The following BCL2L13 variants were observed in gnomAD, a reference collection of about 807,000 sequenced individuals.
The protein encoded by BCL2L13 is bcl-2-like protein 13.
BCL2L13 carries 13 observed loss-of-function variants against 25.8 expected under a neutral mutation model. The observed-to-expected ratio is 0.50, with a 90% CI of 0.33 to 0.80. The LOEUF (loss-of-function observed/expected upper bound fraction) is 0.80, where lower values mean the gene tolerates loss of function less well. BCL2L13 is among the 30% of genes least tolerant of loss of function. The probability of loss-of-function intolerance (pLI) is 0.02; values close to 1 mark genes in which losing one functional copy is unlikely to be tolerated. For missense variants in BCL2L13, 504 were observed against 574.9 expected (o/e 0.88, Z 1.26); for synonymous variants, 244 against 230.3 (o/e 1.06, Z -0.54).
At chr22:17,670,124 G>A (rs928471440) in intron 2 of BCL2L13, among the ~76,000 whole-genome samples, 2 of 152,064 alleles carry the variant, frequency 1.3e-5, no homozygotes, top group African/African-American at 4.8e-5. Flanking sequence ...CCATTGGTCT[G>A]TATACCTGTT....
At position 17,697,374 on chromosome 22, in the gene BCL2L13, G is replaced by T. The variant is rs192552041; in HGVS notation, c.456+1164G>T. 3.6e-4 allele frequency among the ~76,000 whole-genome samples: 55 copies of T among 152,180 alleles called. 2 individuals carry two copies. Among genetic ancestry groups the T allele is most frequent in the African/African-American group, 1.3e-3 (52 of 41,516 alleles). On this transcript the variant is annotated intron_variant, in intron 5 of 6. Transcript: ENST00000317582. ...AATTGCTTAAACCCGGGAGTTGGAGGTTGTGGTGAGCCAAGATTGCGCCAT... is the reference window on the plus strand; with the variant it reads ...AATTGCTTAAACCCGGGAGTTGGAGTTTGTGGTGAGCCAAGATTGCGCCAT...
At chr22:17,658,914 T>G (rs759863997) in intron 2 of BCL2L13, among the ~76,000 whole-genome samples, 4 of 143,802 alleles carry the variant, frequency 2.8e-5, no homozygotes, top group Non-Finnish European at 1.5e-5. Context: ...AAAAAATTAG[T>G]TGGGCATGGT....
At chr22:17,716,189 A>G (rs2060940572) in intron 6 of BCL2L13, among the ~76,000 whole-genome samples, 1 of 152,178 alleles carries the variant, frequency 6.6e-6, no homozygotes, top group African/African-American at 2.4e-5. Context: ...TAAGAGAGGA[A>G]GATTAAGTAC....
rs186202677 is a variant in BCL2L13, at chr22:17,644,095, G to A, written c.-51+5209G>A. Reference sequence around the variant, plus strand: ...CCAGCTAATTTTTGTATTTTTGGTAGAGATGGGATTTCACCATGTTGGCCA... The same window carrying A: ...CCAGCTAATTTTTGTATTTTTGGTAAAGATGGGATTTCACCATGTTGGCCA... On this transcript the variant is annotated intron_variant, in intron 1 of 6. Transcript: ENST00000317582. 5.2e-3 allele frequency among the ~76,000 whole-genome samples: 783 copies of A among 151,074 alleles called. 50 individuals are homozygous for A. The highest frequency in any genetic ancestry group is 0.017 in the African/African-American group (708 of 40,562).
At chr22:17,668,282 G>A (rs1197617987) in intron 2 of BCL2L13, among the ~76,000 whole-genome samples, 1 of 151,392 alleles carries the variant, frequency 6.6e-6, no homozygotes, top group Non-Finnish European at 1.5e-5. Flanking sequence ...CAAAGTGCTG[G>A]GATTACAGGC....
chr22:17,641,194 TA>T (rs199620957), intron 1 of BCL2L13, among the ~76,000 whole-genome samples: 1,687 of 152,288 alleles, frequency 0.011, 38 homozygotes, highest in African/African-American at 0.038. Context: ...CCGGCCTAAA[TA>T]GATATGTATT....
Position 17,728,559 on chromosome 22 carries a change from T to C in BCL2L13, c.*1025T>C, listed in dbSNP as rs1414699998. The C allele has an allele frequency of 6.6e-6, 1 of 152,200 alleles. No homozygotes were observed. The highest frequency in any genetic ancestry group is 2.4e-5 in the African/African-American group (1 of 41,446). 9.4% of individuals were successfully genotyped at this position (152,200 alleles called of 1,614,324 possible). On this transcript the variant is annotated 3_prime_UTR_variant, in exon 7 of 7. Coordinates refer to ENST00000317582, the MANE Select transcript of BCL2L13 (RefSeq NM_015367.4). ...TGTCTATAACCTTGGGCTAGTATATTTTTTCCAATATGGGACCTTAGTCTT... is the reference window on the plus strand; with the variant it reads ...TGTCTATAACCTTGGGCTAGTATATCTTTTCCAATATGGGACCTTAGTCTT...
chr22:17,719,686 G>T (rs1034734933), intron 6 of BCL2L13, among the ~76,000 whole-genome samples: 1 of 151,928 alleles, frequency 6.6e-6, no homozygotes, highest in Admixed American at 6.6e-5. Context: ...AAAATTAGCT[G>T]GGCGTGGTGG....
intron 4 of BCL2L13, among the ~76,000 whole-genome samples, chr22:17,693,588 C>T (rs1412679227): frequency 6.6e-6 from 1 of 151,936 alleles, no homozygotes; most frequent in Admixed American, 6.6e-5. Flanking sequence ...CCAGGTTGGC[C>T]AGGCTGGTCT....
At chr22:17,630,233 A>C (rs1318521566) in intron 1 of BCL2L13, among the ~76,000 whole-genome samples, 9 of 151,798 alleles carry the variant, frequency 5.9e-5, no homozygotes, top group Non-Finnish European at 1.0e-4. Flanking sequence ...AACAAAAAAA[A>C]AAAAAACAAA....
intron 1 of BCL2L13, 86 bp from the exon 2 acceptor site, chr22:17,655,576 G>A: frequency 9.0e-7 from 1 of 1,108,464 alleles, no homozygotes; most frequent in Non-Finnish European, 1.2e-6. Flanking sequence ...CCTCAAAAGA[G>A]TTGCACAAGA....
At chr22:17,681,203 G>C (rs1172728364) in intron 2 of BCL2L13, among the ~76,000 whole-genome samples, 4 of 151,988 alleles carry the variant, frequency 2.6e-5, no homozygotes, top group African/African-American at 9.7e-5. Context: ...TTCAGGGACG[G>C]GGAAAGAAGG....
intron 4 of BCL2L13, among the ~76,000 whole-genome samples, chr22:17,695,011 G>A (rs545591823): frequency 2.9e-4 from 43 of 149,284 alleles, no homozygotes; most frequent in African/African-American, 8.6e-4. Flanking sequence ...TTCCTTTGGC[G>A]TCATGCAAAT....
In BCL2L13 at chr22:17,726,917, A is replaced by G. The variant is rs1310765125; in HGVS notation, c.841A>G (p.Met281Val). The change falls in exon 7 of 7, where the codon ATG becomes GTG. Residue 281 changes from methionine (M) to valine (V), a missense_variant. Transcript: ENST00000317582. ...LGPESWQQIA[M>V]DPEEVKSLDS... ...CCCTGAGTCCTGGCAGCAGATTGCA[A>G]TGGATCCTGAAGAAGTGAAAAGCTT... 21 of 1,614,074 alleles carry G rather than the reference A, an allele frequency of 1.3e-5. No homozygotes were observed. The highest frequency in any genetic ancestry group is 1.6e-5 in the Non-Finnish European group (19 of 1,180,040).
intron 1 of BCL2L13, among the ~76,000 whole-genome samples, chr22:17,647,183 C>T (rs925365834): frequency 6.6e-6 from 1 of 151,536 alleles, no homozygotes; most frequent in Non-Finnish European, 1.5e-5. Context: ...ACCGTGTTAG[C>T]CAGGCTGGTT....
chr22:17,676,233 A>G (rs1389690463), intron 2 of BCL2L13, among the ~76,000 whole-genome samples: 1 of 152,102 alleles, frequency 6.6e-6, no homozygotes, highest in East Asian at 1.9e-4. Context: ...AGGCTGAGGC[A>G]GGCGGATCAC....
At chr22:17,658,930 G>C (rs1475751760) in intron 2 of BCL2L13, among the ~76,000 whole-genome samples, 1 of 146,678 alleles carries the variant, frequency 6.8e-6, no homozygotes, top group Non-Finnish European at 1.5e-5. Flanking sequence ...ATGGTGGCAG[G>C]CACCTGTAAT....
intron 5 of BCL2L13, among the ~76,000 whole-genome samples, chr22:17,700,078 C>G (rs1319118886): frequency 1.3e-5 from 2 of 151,956 alleles, no homozygotes; most frequent in African/African-American, 4.8e-5. Flanking sequence ...AGCGTATTAC[C>G]AACCGCATAG....
At position 17,647,974 on chromosome 22, in the gene BCL2L13, C is replaced by T. The variant is rs142820358; in HGVS notation, c.-50-7688C>T. On this transcript the variant is annotated intron_variant, in intron 1 of 6. Transcript: ENST00000317582. ...AAACCCCCGTCTCTACTAAAAAATA[C>T]AAAAAATTATCCGGGCTTGGTGGCA... 3.9e-3 allele frequency among the ~76,000 whole-genome samples: 598 copies of T among 152,070 alleles called. 4 individuals are homozygous for T. The highest frequency in any genetic ancestry group is 0.014 in the African/African-American group (579 of 41,494).
Sources: gnomAD v4.1 joint callset for allele counts (sites outside exome capture counted in the v4.1 genomes callset) on GRCh38, gnomAD v4.1.1 for gene constraint, MANE v1.5 for transcripts, NCBI Gene and HGNC (gene_info 2026-07-23, HGNC 2026-07-21) for gene names.